Variants in TG observed in about 807,000 individuals in gnomAD.
The protein encoded by TG is thyroid hormones.
A neutral mutation model predicts 324.7 loss-of-function variants in TG; 270 were observed. The ratio of observed to expected loss-of-function variants is 0.83; its 90% confidence interval spans 0.75 to 0.92. The LOEUF is 0.92. Ranked by LOEUF, TG falls within the 40% of genes least tolerant of loss-of-function variation. TG has a pLI of 0.00. For missense variants in TG, 3,591 were observed against 3,456.4 expected (o/e 1.04, Z -0.98); for synonymous variants, 1,401 against 1,327.0 (o/e 1.06, Z -1.21).
At chr8:133,046,954 A>C (rs1159170496) in intron 41 of TG, among the ~76,000 whole-genome samples, 1 of 152,138 alleles carries the variant, frequency 6.6e-6, no homozygotes, top group Non-Finnish European at 1.5e-5. Context: ...TTTGATATTG[A>C]ATGTACAAGA....
intron 22 of TG, among the ~76,000 whole-genome samples, chr8:132,923,905 A>G (rs1294049841): frequency 1.3e-5 from 2 of 152,208 alleles, no homozygotes; most frequent in Admixed American, 6.5e-5. Context: ...GCAGTCCCCA[A>G]CCTTTTTGGC....
At chr8:132,897,940 C>G (rs1015477820) in intron 12 of TG, among the ~76,000 whole-genome samples, 154 bp downstream of exon 12, 7 of 152,192 alleles carry the variant, frequency 4.6e-5, no homozygotes, top group Non-Finnish European at 8.8e-5. Flanking sequence ...CTCCAGTTAT[C>G]TCACTTGTGT....
chr8:133,075,465 G>C (rs919381850), intron 41 of TG, among the ~76,000 whole-genome samples: 1 of 152,224 alleles, frequency 6.6e-6, no homozygotes, highest in African/African-American at 2.4e-5. Context: ...AAAAAAACTA[G>C]AAAGAACATT....
At chr8:133,012,205 C>T (rs567652558) in intron 36 of TG, among the ~76,000 whole-genome samples, 170 bp downstream of exon 36, 8 of 152,266 alleles carry the variant, frequency 5.3e-5, no homozygotes, top group African/African-American at 1.4e-4. Context: ...CATTACCCCA[C>T]AGGGCAGCCA....
intron 41 of TG, among the ~76,000 whole-genome samples, chr8:133,072,124 C>T (rs2739150): frequency 0.61 from 92,882 of 151,990 alleles, 28,869 homozygotes; most frequent in East Asian, 0.79. Flanking sequence ...CACCAACCCC[C>T]TCTACACACA....
intron 27 of TG, among the ~76,000 whole-genome samples, chr8:132,949,947 TGTGATCA>T (rs1257004454): frequency 6.6e-6 from 1 of 152,174 alleles, no homozygotes; most frequent in East Asian, 1.9e-4. Context: ...GTACCACTGA[TGTGATCA>T]GGAAAGACAG....
intron 45 of TG, among the ~76,000 whole-genome samples, chr8:133,126,785 C>T (rs979715636): frequency 4.0e-5 from 6 of 151,654 alleles, no homozygotes; most frequent in African/African-American, 1.2e-4. Flanking sequence ...AATACTTCCT[C>T]AGCTTCTAAA....
chr8:132,950,606 T>G (rs535566510), intron 27 of TG, among the ~76,000 whole-genome samples: 6 of 152,206 alleles, frequency 3.9e-5, no homozygotes, highest in Non-Finnish European at 8.8e-5. Context: ...TGTTAGGCAG[T>G]GCAGTCAGCA....
chr8:132,913,359 C>A, intron 20 of TG, 94 bp downstream of exon 20: 1 of 1,301,182 alleles, frequency 7.7e-7, no homozygotes, highest in Non-Finnish European at 1.1e-6. Flanking sequence ...CTCTGGACAT[C>A]CAGGGCTGAG....
intron 45 of TG, among the ~76,000 whole-genome samples, chr8:133,121,835 T>A (rs1851162734): frequency 6.6e-6 from 1 of 151,018 alleles, no homozygotes; most frequent in African/African-American, 2.4e-5. Flanking sequence ...AGATGTCTCC[T>A]CTCTCCATCA....
chr8:132,900,782 G>A (rs1365803874), intron 15 of TG, among the ~76,000 whole-genome samples: 1 of 152,180 alleles, frequency 6.6e-6, no homozygotes, highest in South Asian at 2.1e-4. Flanking sequence ...GGAATGGCTC[G>A]AGGGCCCTTT....
rs145681459 is a variant in TG, at chr8:132,886,761, C to T, written c.1389C>T (p.Asn463=). The change falls in exon 9 of 48, where the codon AAC becomes AAT. Residue 463 remains asparagine (N), a synonymous_variant. Transcript: ENST00000220616. ...LARLALQFTT[N]PKRLQQNLFG... ...GTCTTGCCCTTCAGTTTACCACCAA[C>T]CCAAAGAGACTCCAGCAAAACCTTT... 1.5e-4 allele frequency: 244 copies of T among 1,614,072 alleles called. No individual in the cohort carries two copies. Among genetic ancestry groups the T allele is most frequent in the Middle Eastern group, 1.6e-4 (1 of 6,084 alleles).
At chr8:133,046,962 A>G (rs1163522924) in intron 41 of TG, 2 of 152,190 alleles carry the variant, frequency 1.3e-5, no homozygotes, top group Non-Finnish European at 1.5e-5. Flanking sequence ...TGAATGTACA[A>G]GAAGCAAGCC....
At chr8:132,869,360 C>T (rs1411607425) in intron 2 of TG, among the ~76,000 whole-genome samples, 1 of 152,180 alleles carries the variant, frequency 6.6e-6, no homozygotes, top group African/African-American at 2.4e-5. Context: ...CACCCCCAAG[C>T]CCCCACTCCC....
chr8:133,132,778 T>C (rs540225800), intron 46 of TG, among the ~76,000 whole-genome samples: 8 of 152,172 alleles, frequency 5.3e-5, no homozygotes, highest in Non-Finnish European at 1.2e-4. Context: ...ACACATTTCT[T>C]GTAATTAGGG....
intron 35 of TG, among the ~76,000 whole-genome samples, chr8:133,009,131 C>T (rs1173676343): frequency 6.6e-6 from 1 of 152,146 alleles, no homozygotes; most frequent in African/African-American, 2.4e-5. Flanking sequence ...AGTGCTTTCT[C>T]CCAGACATCA....
At chr8:133,064,228 A>C (rs1842773400) in intron 41 of TG, 1 of 152,240 alleles carries the variant, frequency 6.6e-6, no homozygotes, top group Non-Finnish European at 1.5e-5. Context: ...AGCGAGCCTG[A>C]TAACCCCATT....
intron 35 of TG, among the ~76,000 whole-genome samples, chr8:133,010,539 G>GC (rs1834414117): frequency 6.6e-6 from 1 of 152,182 alleles, no homozygotes. Context: ...GATCACTGAT[G>GC]CCCCACTGAA....
At chr8:132,966,064 G>A (rs1828517758) in intron 29 of TG, among the ~76,000 whole-genome samples, 1 of 152,214 alleles carries the variant, frequency 6.6e-6, no homozygotes, top group Admixed American at 6.5e-5. Flanking sequence ...CTACCATTTT[G>A]GAGAGAGGCT....
Sources: gnomAD v4.1 joint callset for allele counts (sites outside exome capture counted in the v4.1 genomes callset) on GRCh38, gnomAD v4.1.1 for gene constraint, MANE v1.5 for transcripts, NCBI Gene and HGNC (gene_info 2026-07-23, HGNC 2026-07-21) for gene names.